SLC35F3: variants seen among roughly 807,000 people sequenced by gnomAD.
SLC35F3 encodes putative thiamine transporter SLC35F3.
In SLC35F3, 25 loss-of-function variants were observed where a neutral mutation model predicts 49.9. The observed-to-expected ratio is 0.50, with a 90% CI of 0.37 to 0.70. The LOEUF is 0.70. SLC35F3 is among the 30% of genes least tolerant of loss of function. SLC35F3 has a pLI of 0.00. For missense variants in SLC35F3, 525 were observed against 639.8 expected, an observed-to-expected ratio of 0.82 and a Z score of 1.94; for synonymous variants, 275 against 265.4, an observed-to-expected ratio of 1.04 and a Z score of -0.35.
intron 2 of SLC35F3, among the ~76,000 whole-genome samples, chr1:233,959,134 G>T (rs538631432): frequency 1.3e-5 from 2 of 152,102 alleles, no homozygotes; most frequent in Non-Finnish European, 2.9e-5. Context: ...ACCTTTGTGT[G>T]TTTGAGTAAC....
At chr1:234,037,012 C>G (rs528893504) in intron 2 of SLC35F3, among the ~76,000 whole-genome samples, 2 of 152,174 alleles carry the variant, frequency 1.3e-5, no homozygotes, top group African/African-American at 4.8e-5. Flanking sequence ...ATTAACTTCA[C>G]AAATATTTAT....
chr1:234,312,224 G>T (rs530285717), intron 4 of SLC35F3, among the ~76,000 whole-genome samples: 6 of 152,222 alleles, frequency 3.9e-5, no homozygotes, highest in Non-Finnish European at 8.8e-5. Context: ...AAGGGAAATG[G>T]GAGGTGAGAT....
intron 3 of SLC35F3, among the ~76,000 whole-genome samples, chr1:234,280,546 G>C (rs1051923066): frequency 6.6e-6 from 1 of 152,176 alleles, no homozygotes; most frequent in African/African-American, 2.4e-5. Flanking sequence ...AATGGAGTGT[G>C]GGTAGAACAA....
chr1:234,025,365 T>C (rs1024552118), intron 2 of SLC35F3, among the ~76,000 whole-genome samples: 3 of 152,254 alleles, frequency 2.0e-5, no homozygotes, highest in Admixed American at 6.5e-5. Flanking sequence ...GAATGGTAAT[T>C]CTGTTTTAAG....
At chr1:234,224,365 C>A (rs1667255922) in intron 2 of SLC35F3, among the ~76,000 whole-genome samples, 2 of 152,216 alleles carry the variant, frequency 1.3e-5, no homozygotes, top group Admixed American at 1.3e-4. Context: ...CTGCTCCCAG[C>A]CTCTTTAATT....
chr1:234,138,948 A>G (rs1319616806), intron 2 of SLC35F3, among the ~76,000 whole-genome samples: 1 of 152,178 alleles, frequency 6.6e-6, no homozygotes, highest in Non-Finnish European at 1.5e-5. Flanking sequence ...CAGTTTTGTC[A>G]TCTTTCTGGT....
rs1478981832 is a variant in SLC35F3 at position 234,309,436 on chromosome 1, C to T, written c.828+116C>T. The T allele has an allele frequency of 4.6e-6, 4 of 870,090 alleles. No individual in the cohort carries two copies. In the South Asian group the frequency reaches 7.0e-5, roughly 15 times the overall value. The allele number at this position is 870,090 out of a possible 1,614,324, so 53.9% of individuals were successfully genotyped here. ...TGAGCATAAGCTGCTGACCACTTTC[C>T]TTCTGATTTGCAGCAGAAAATGAGC... is the stretch of plus-strand genomic sequence containing the variant. On this transcript the variant is annotated intron_variant, in intron 4 of 7. Coordinates refer to ENST00000366618, the MANE Select transcript of SLC35F3 (RefSeq NM_173508.4).
intron 2 of SLC35F3, among the ~76,000 whole-genome samples, chr1:234,092,731 G>GT (rs1395331132): frequency 6.6e-6 from 1 of 152,078 alleles, no homozygotes; most frequent in African/African-American, 2.4e-5. Flanking sequence ...GCTGGGCATG[G>GT]TTGGTGCATG....
Position 233,918,798 on chromosome 1 carries a change from TTCTC to T in SLC35F3, c.283+13056_283+13059del, listed in dbSNP as rs879841839. ...TCTCTTTCTCTCTCTCTCTCTCTCTTTCTCTCTCTCTCTCTCTCTATATATATAT... is the reference window on the plus strand; with the variant it reads ...TCTCTTTCTCTCTCTCTCTCTCTCTTTCTCTCTCTCTCTCTATATATATAT... On this transcript the variant is annotated intron_variant, in intron 2 of 7. Transcript: ENST00000366618. Among the ~76,000 whole-genome samples the T allele has an allele frequency of 3.7e-3, 184 of 49,836 alleles. 1 individual carries two copies. Among genetic ancestry groups the T allele is most frequent in the East Asian group, 0.028 (24 of 854 alleles). The allele number at this position is 49,836 out of a possible 152,430, so 32.7% of individuals were successfully genotyped here.
At chr1:234,141,929 C>T (rs1665919644) in intron 2 of SLC35F3, among the ~76,000 whole-genome samples, 1 of 152,238 alleles carries the variant, frequency 6.6e-6, no homozygotes. Flanking sequence ...AAGTGCCTTA[C>T]TGACATATCA....
At chr1:233,995,505 C>G (rs77841210) in intron 2 of SLC35F3, among the ~76,000 whole-genome samples, 25 of 152,156 alleles carry the variant, frequency 1.6e-4, no homozygotes, top group Non-Finnish European at 2.4e-4. Flanking sequence ...CCTGATCCCT[C>G]CACTTGTGTT....
chr1:234,036,655 G>C (rs1006221603), intron 2 of SLC35F3, among the ~76,000 whole-genome samples: 1 of 152,184 alleles, frequency 6.6e-6, no homozygotes, highest in Non-Finnish European at 1.5e-5. Context: ...CCAGTCTTTT[G>C]TCAGTGTCGG....
At chr1:234,097,506 G>A (rs1345079624) in intron 2 of SLC35F3, among the ~76,000 whole-genome samples, 2 of 152,140 alleles carry the variant, frequency 1.3e-5, no homozygotes, top group Non-Finnish European at 2.9e-5. Flanking sequence ...CAAAGTGTCA[G>A]AGCTGGAATT....
At chr1:234,202,686 C>T (rs1666916573) in intron 2 of SLC35F3, among the ~76,000 whole-genome samples, 1 of 152,194 alleles carries the variant, frequency 6.6e-6, no homozygotes, top group Admixed American at 6.5e-5. Context: ...TCCAAGGTGC[C>T]AGGGCACCAC....
At chr1:233,964,618 A>C (rs933860186) in intron 2 of SLC35F3, among the ~76,000 whole-genome samples, 2 of 152,222 alleles carry the variant, frequency 1.3e-5, no homozygotes, top group African/African-American at 4.8e-5. Context: ...GCATGCGAGG[A>C]GCCAACATTC....
intron 2 of SLC35F3, among the ~76,000 whole-genome samples, chr1:234,030,227 C>T (rs748982004): frequency 7.2e-5 from 11 of 152,192 alleles, no homozygotes; most frequent in Non-Finnish European, 1.2e-4. Flanking sequence ...CTCCTACCTA[C>T]GGCCACCACT....
intron 3 of SLC35F3, among the ~76,000 whole-genome samples, chr1:234,241,930 C>T (rs753115277): frequency 7.4e-4 from 113 of 152,096 alleles, no homozygotes; most frequent in Non-Finnish European, 5.6e-4. Context: ...TCCAGTCTTC[C>T]TTGATGGCCT....
intron 2 of SLC35F3, among the ~76,000 whole-genome samples, chr1:234,104,518 G>A (rs1665256013): frequency 6.6e-6 from 1 of 152,078 alleles, no homozygotes; most frequent in Non-Finnish European, 1.5e-5. Context: ...CTTGTGCTAA[G>A]AGCCACATCA....
chr1:234,126,476 CAT>C (rs1491233057), intron 2 of SLC35F3, among the ~76,000 whole-genome samples: 28 of 119,372 alleles, frequency 2.3e-4, no homozygotes, highest in Middle Eastern at 4.3e-3. Context: ...CCCTGTTTTA[CAT>C]GTGTGTGTGT....
Sources: allele counts gnomAD v4.1 joint callset (sites outside exome capture counted in the v4.1 genomes callset), GRCh38; gene constraint gnomAD v4.1.1; transcripts MANE v1.5; gene names NCBI Gene and HGNC (gene_info 2026-07-23, HGNC 2026-07-21).